BTBD9: variants seen among roughly 807,000 people sequenced by gnomAD.
BTBD9 encodes the protein BTB/POZ domain-containing protein 9.
BTBD9 carries 49 observed loss-of-function variants against 64.3 expected under a neutral mutation model. The ratio of observed to expected loss-of-function variants is 0.76; its 90% CI spans 0.61 to 0.97. BTBD9 has a LOEUF of 0.97. Among genes scored for constraint, BTBD9 ranks in the 50% least tolerant of loss-of-function variants. The pLI is 0.00. For synonymous variants in BTBD9, 260 were observed against 274.7 expected (o/e 0.95, Z 0.53); for missense variants, 598 against 762.1 (o/e 0.78, Z 2.53).
At chr6:38,618,379 T>C (rs1777864359) in intron 1 of BTBD9, among the ~76,000 whole-genome samples, 1 of 152,220 alleles carries the variant, frequency 6.6e-6, no homozygotes, top group African/African-American at 2.4e-5. Context: ...AAATACCTTA[T>C]GTCCAAGCTT....
At chr6:38,466,088 C>T (rs528713852) in intron 6 of BTBD9, among the ~76,000 whole-genome samples, 4 of 151,650 alleles carry the variant, frequency 2.6e-5, no homozygotes, top group African/African-American at 9.7e-5. Flanking sequence ...GCTGGGATTA[C>T]ATGCATGTGA....
intron 6 of BTBD9, among the ~76,000 whole-genome samples, chr6:38,519,214 T>G (rs896648573): frequency 2.0e-5 from 3 of 152,192 alleles, no homozygotes; most frequent in African/African-American, 7.2e-5. Context: ...CAGAGCCATT[T>G]TCTTAGATTT....
intron 6 of BTBD9, among the ~76,000 whole-genome samples, chr6:38,541,892 A>G (rs1774297704): frequency 6.6e-6 from 1 of 152,188 alleles, no homozygotes; most frequent in Non-Finnish European, 1.5e-5. Flanking sequence ...TAGAAATTCT[A>G]AGGTTCCTAA....
At position 38,170,627 on chromosome 6, in the gene BTBD9, A is replaced by G. The variant is rs935860857; in HGVS notation, c.*4358T>C. The G allele has an allele frequency of 6.6e-6, 1 of 152,256 alleles. No individual in the cohort carries two copies. The highest frequency in any genetic ancestry group is 2.4e-5 in the African/African-American group (1 of 41,450). The allele number at this position is 152,256 out of a possible 1,614,324, so 9.4% of individuals were successfully genotyped here. ...GGGCATTCCAGTTGTCCTGCATGCC[A>G]TTTAAACCTTGCCCTTCCCTCTCTT... On this transcript the variant is annotated 3_prime_UTR_variant, in exon 11 of 11. Coordinates refer to ENST00000481247, the MANE Select transcript of BTBD9 (RefSeq NM_001099272.2).
At chr6:38,512,807 T>C (rs1337708600) in intron 6 of BTBD9, among the ~76,000 whole-genome samples, 4 of 152,244 alleles carry the variant, frequency 2.6e-5, no homozygotes, top group Non-Finnish European at 5.9e-5. Flanking sequence ...CGTTTAGCTA[T>C]TATATTGATA....
At chr6:38,433,008 G>T (rs916051743) in intron 6 of BTBD9, among the ~76,000 whole-genome samples, 5 of 151,904 alleles carry the variant, frequency 3.3e-5, no homozygotes, top group Non-Finnish European at 7.3e-5. Flanking sequence ...AAATTACCCA[G>T]TCTCAGATAT....
At chr6:38,615,014 C>T (rs1235643297) in intron 1 of BTBD9, among the ~76,000 whole-genome samples, 1 of 152,242 alleles carries the variant, frequency 6.6e-6, no homozygotes, top group East Asian at 1.9e-4. Context: ...ACTGGGCCTT[C>T]AAGGCCTGTG....
intron 7 of BTBD9, among the ~76,000 whole-genome samples, chr6:38,328,572 T>C (rs1359032923): frequency 7.5e-6 from 1 of 134,188 alleles, no homozygotes; most frequent in Non-Finnish European, 1.6e-5. Context: ...ACCGTGTGTG[T>C]GTGTGTGTGT....
intron 9 of BTBD9, among the ~76,000 whole-genome samples, chr6:38,244,544 G>A (rs1309561649): frequency 6.6e-6 from 1 of 151,962 alleles, no homozygotes; most frequent in Non-Finnish European, 1.5e-5. Flanking sequence ...GACGAACTTG[G>A]GATTTTAAAT....
chr6:38,625,760 G>C (rs1778141813), intron 1 of BTBD9, among the ~76,000 whole-genome samples: 1 of 152,224 alleles, frequency 6.6e-6, no homozygotes, highest in South Asian at 2.1e-4. Flanking sequence ...GGCAGAACCT[G>C]AGATAGAATA....
Position 38,174,819 on chromosome 6 carries a change from C to T in BTBD9, c.*166G>A, listed in dbSNP as rs904253236. The T allele has an allele frequency of 6.3e-6, 5 of 788,160 alleles. No individual in the cohort carries two copies. The highest frequency in any genetic ancestry group is 2.5e-5 in the Admixed American group (1 of 40,664). The allele number at this position is 788,160 out of a possible 1,614,324, so 48.8% of individuals were successfully genotyped here. ...TTGAGAAGAACAAAGCAGCCCCTTT[C>T]TGTCCTTGGGAGAAAACCTGTTCGG... On this transcript the variant is annotated 3_prime_UTR_variant, in exon 11 of 11. Coordinates refer to ENST00000481247, the MANE Select transcript of BTBD9 (RefSeq NM_001099272.2).
intron 1 of BTBD9, among the ~76,000 whole-genome samples, chr6:38,626,200 A>G (rs1489302366): frequency 6.6e-6 from 1 of 152,228 alleles, no homozygotes; most frequent in African/African-American, 2.4e-5. Flanking sequence ...AGGTATATAC[A>G]TTTATGGGGT....
rs1035376798 is a variant in BTBD9 at position 38,526,063 on chromosome 6, T to C, written c.1154+51537A>G. On this transcript the variant is annotated intron_variant, in intron 6 of 10. Transcript: ENST00000481247. ...CAATGGGGAAAATGCCTCCAAGGCATTTCAGAGACCTTCACAGCAAACCTC... is the reference window on the plus strand; with the variant it reads ...CAATGGGGAAAATGCCTCCAAGGCACTTCAGAGACCTTCACAGCAAACCTC... Among the ~76,000 whole-genome samples the C allele has an allele frequency of 2.0e-5, 3 of 152,222 alleles. No homozygotes were observed. In the East Asian group the frequency reaches 5.8e-4, roughly 29 times the overall value.
At chr6:38,566,972 T>C (rs1458505989) in intron 6 of BTBD9, among the ~76,000 whole-genome samples, 2 of 152,210 alleles carry the variant, frequency 1.3e-5, no homozygotes, top group African/African-American at 4.8e-5. Context: ...ATTTTTTTCC[T>C]TAGAAAAATA....
intron 6 of BTBD9, among the ~76,000 whole-genome samples, chr6:38,349,856 C>T (rs1272526333): frequency 2.0e-5 from 3 of 152,088 alleles, no homozygotes; most frequent in Admixed American, 6.6e-5. Context: ...AGAAAGCAAG[C>T]GACATTCAGA....
chr6:38,198,741 G>C (rs1225949599), intron 9 of BTBD9, among the ~76,000 whole-genome samples: 2 of 152,218 alleles, frequency 1.3e-5, no homozygotes, highest in Non-Finnish European at 2.9e-5. Flanking sequence ...ACATGGCACA[G>C]AATGCATTCT....
chr6:38,517,628 G>T (rs1773094838), intron 6 of BTBD9, among the ~76,000 whole-genome samples: 1 of 152,102 alleles, frequency 6.6e-6, no homozygotes, highest in Non-Finnish European at 1.5e-5. Context: ...TATTAACTAG[G>T]AACAGGAGAC....
intron 6 of BTBD9, among the ~76,000 whole-genome samples, chr6:38,410,204 C>A (rs888847208): frequency 1.3e-5 from 2 of 152,176 alleles, no homozygotes; most frequent in African/African-American, 4.8e-5. Context: ...GGCATGGTGG[C>A]TCACACCTAT....
intron 6 of BTBD9, among the ~76,000 whole-genome samples, chr6:38,553,071 A>G (rs555806576): frequency 8.9e-4 from 135 of 152,342 alleles, no homozygotes; most frequent in African/African-American, 3.1e-3. Context: ...TATACCTAAC[A>G]CAATGTAAAT....
Sources: allele counts gnomAD v4.1 joint callset (sites outside exome capture counted in the v4.1 genomes callset), GRCh38; gene constraint gnomAD v4.1.1; transcripts MANE v1.5; gene names NCBI Gene and HGNC (gene_info 2026-07-23, HGNC 2026-07-21).